The following ADSL variants were observed in gnomAD, a reference collection of about 807,000 sequenced individuals.
ADSL encodes adenylosuccinate lyase.
ADSL carries 44 observed loss-of-function variants against 62.1 expected under a neutral mutation model. That is an observed-to-expected ratio of 0.71 (90% CI 0.56 to 0.91). ADSL has a LOEUF of 0.91. Among genes scored for constraint, ADSL ranks in the 40% least tolerant of loss-of-function variants. The probability of loss-of-function intolerance (pLI) is 0.00; values close to 1 mark genes in which losing one functional copy is unlikely to be tolerated. For synonymous variants in ADSL, 198 were observed against 220.5 expected, an observed-to-expected ratio of 0.90 and a Z score of 0.90; for missense variants, 531 against 627.4, an observed-to-expected ratio of 0.85 and a Z score of 1.64.
At chr22:40,386,909 C>G (rs1303874015) in intron 2 of ADSL, among the ~76,000 whole-genome samples, 1 of 152,126 alleles carries the variant, frequency 6.6e-6, no homozygotes, top group African/African-American at 2.4e-5. Flanking sequence ...CCTAATTTAT[C>G]TGTTTAATTT....
intron 2 of ADSL, among the ~76,000 whole-genome samples, chr22:40,385,003 T>C (rs2048198454): frequency 1.3e-5 from 2 of 152,148 alleles, no homozygotes; most frequent in African/African-American, 4.8e-5. Context: ...GAATGTCTTT[T>C]TTGGGGGTCT....
At chr22:40,371,041 A>G (rs751953026), downstream of ADSL, among the ~76,000 whole-genome samples, 3 of 152,228 alleles carry the variant, frequency 2.0e-5, no homozygotes, top group Non-Finnish European at 2.9e-5. Context: ...GGGGCTTTCT[A>G]AAAAGAGCCT....
chr22:40,350,953 T>C (rs2044323057), intron 2 of ADSL, among the ~76,000 whole-genome samples: 1 of 151,924 alleles, frequency 6.6e-6, no homozygotes, highest in Admixed American at 6.6e-5. Flanking sequence ...TGAAATCCTT[T>C]GAAGACCTTT....
chr22:40,376,075 T>C (rs1388625207), intron 2 of ADSL, among the ~76,000 whole-genome samples: 1 of 150,346 alleles, frequency 6.7e-6, no homozygotes, highest in Non-Finnish European at 1.5e-5. Flanking sequence ...AAACAAGATA[T>C]GAAAGAACAG....
chr22:40,360,193 T>C (rs989573479), intron 6 of ADSL, among the ~76,000 whole-genome samples: 1 of 152,244 alleles, frequency 6.6e-6, no homozygotes, highest in South Asian at 2.1e-4. Flanking sequence ...AGCTTTTCTT[T>C]AGGATGTGTT....
chr22:40,363,170 A>T (rs1017742245), intron 10 of ADSL, 99 bp downstream of exon 10: 1 of 1,132,348 alleles, frequency 8.8e-7, no homozygotes, highest in African/African-American at 1.5e-5. Flanking sequence ...TTCTGATCCG[A>T]TAGGCATTCT....
In ADSL at chr22:40,346,726, G is replaced by A. The variant is rs1307017002; in HGVS notation, c.153+15G>A. 1.3e-6 allele frequency: 2 copies of A among 1,593,942 alleles called. No homozygotes were observed. The highest frequency in any genetic ancestry group is 1.7e-6 in the Non-Finnish European group (2 of 1,173,940). On this transcript the variant is annotated intron_variant, in intron 1 of 12. Coordinates refer to ENST00000623063, the MANE Select transcript of ADSL (RefSeq NM_000026.4). ...AGGCCGAGCAGGTAACGGATCCCGG[G>A]CTGAGGGGCTGGGCCGGGAGGGACG...
intron 2 of ADSL, among the ~76,000 whole-genome samples, chr22:40,386,637 G>A (rs1281111971): frequency 7.1e-6 from 1 of 140,796 alleles, no homozygotes; most frequent in African/African-American, 2.7e-5. Context: ...GCCCAGGCTG[G>A]TCTTGAACTC....
At chr22:40,352,586 C>T (rs1046993881) in intron 2 of ADSL, among the ~76,000 whole-genome samples, 2 of 152,198 alleles carry the variant, frequency 1.3e-5, no homozygotes, top group Admixed American at 6.5e-5. Context: ...ATGGAAGCTT[C>T]TCAGAAGCTC....
intron 2 of ADSL, among the ~76,000 whole-genome samples, chr22:40,375,663 AG>A (rs1401561195): frequency 2.9e-5 from 4 of 139,206 alleles, no homozygotes; most frequent in Admixed American, 1.7e-4. Flanking sequence ...ATTAAGACAG[AG>A]AATTTTTTTT....
At chr22:40,379,630 A>G (rs1338110397) in intron 2 of ADSL, among the ~76,000 whole-genome samples, 1 of 152,144 alleles carries the variant, frequency 6.6e-6, no homozygotes, top group African/African-American at 2.4e-5. Flanking sequence ...TTAAGTAAAT[A>G]TCTTCCTCCT....
intron 2 of ADSL, chr22:40,350,330 G>C (rs1435457462): frequency 2.9e-6 from 1 of 349,376 alleles, no homozygotes; most frequent in Admixed American, 4.6e-5. Flanking sequence ...GTTTCACCAT[G>C]TTAGCCAGGA....
At chr22:40,375,317 C>T (rs542601016) in intron 2 of ADSL, among the ~76,000 whole-genome samples, 8 of 152,202 alleles carry the variant, frequency 5.3e-5, no homozygotes, top group East Asian at 1.9e-4. Context: ...TGGTGGCTCA[C>T]GCCTGTAATC....
At chr22:40,358,277 G>A (rs928609840) in intron 4 of ADSL, among the ~76,000 whole-genome samples, 1 of 152,116 alleles carries the variant, frequency 6.6e-6, no homozygotes, top group Non-Finnish European at 1.5e-5. Flanking sequence ...CATTGTCCCT[G>A]CCCTTATAAT....
Position 40,361,796 on chromosome 22 carries a change from G to C in ADSL, c.1010+161G>C. 4 of 935,080 alleles carry C rather than the reference G, an allele frequency of 4.3e-6. 1 individual carries two copies. The South Asian group carries it at 5.7e-5, about 13-fold the overall frequency. 57.9% of individuals were successfully genotyped at this position (935,080 alleles called of 1,614,324 possible). The stretch of plus-strand genomic sequence containing the variant: ...AAACATAAAAAGGACAGTGTGATAA[G>C]TGTTACAATTGGAGTGTGTACTGGG... On this transcript the variant is annotated intron_variant, in intron 9 of 12. Coordinates refer to ENST00000623063, the MANE Select transcript of ADSL (RefSeq NM_000026.4).
chr22:40,346,519 T>A lies in ADSL; in HGVS notation c.-40T>A. The A allele has an allele frequency of 6.3e-7, 1 of 1,582,414 alleles. No homozygotes were observed. Among genetic ancestry groups the A allele is most frequent in the Non-Finnish European group, 8.6e-7 (1 of 1,168,712 alleles). On this transcript the variant is annotated 5_prime_UTR_variant, in exon 1 of 13. Coordinates refer to ENST00000623063, the MANE Select transcript of ADSL (RefSeq NM_000026.4). ...GCCTCCAGGTTTCCGCTTCCGCTCT[T>A]CCCTGGTCCAGTCCACCCTGGCGGG... is the stretch of plus-strand genomic sequence containing the variant.
Position 40,364,786 on chromosome 22 carries a change from G to A in ADSL, c.1192-94G>A, listed in dbSNP as rs764879171. On this transcript the variant is annotated intron_variant, in intron 11 of 12. Coordinates refer to ENST00000623063, the MANE Select transcript of ADSL (RefSeq NM_000026.4). Reference sequence around the variant, plus strand: ...CTAGAGGGGTTTTGTGTAGAGCTGTGTAGACTGCATGGATGGGAAGTATCT... The same window carrying A: ...CTAGAGGGGTTTTGTGTAGAGCTGTATAGACTGCATGGATGGGAAGTATCT... 3.3e-4 allele frequency: 447 copies of A among 1,346,954 alleles called. 1 individual carries two copies. The highest frequency in any genetic ancestry group is 4.1e-4 in the Non-Finnish European group (389 of 938,862). The allele number at this position is 1,346,954 out of a possible 1,614,324, so 83.4% of individuals were successfully genotyped here.
chr22:40,383,384 G>A (rs781516717), intron 2 of ADSL, among the ~76,000 whole-genome samples: 3 of 151,452 alleles, frequency 2.0e-5, no homozygotes, highest in East Asian at 1.9e-4. Flanking sequence ...GGAGAATGGC[G>A]TGAACCTGGG....
intron 6 of ADSL, 29 bp downstream of exon 6, chr22:40,359,335 CTGTTAAGTTGATGGAAGTCCTA>C: frequency 6.2e-7 from 1 of 1,610,826 alleles, no homozygotes; most frequent in Non-Finnish European, 8.5e-7. Context: ...GTTGGCCTCC[CTGTTAAGTTGATGGAAGTCCTA>C]TATTCAGTAT....
Sources: allele counts gnomAD v4.1 joint callset (sites outside exome capture counted in the v4.1 genomes callset), GRCh38; gene constraint gnomAD v4.1.1; transcripts MANE v1.5; gene names NCBI Gene and HGNC (gene_info 2026-07-23, HGNC 2026-07-21).